Variants in ALDH1A2 observed in about 807,000 individuals in gnomAD.
ALDH1A2 encodes retinal dehydrogenase 2.
ALDH1A2 carries 27 observed loss-of-function variants against 60.3 expected under a neutral mutation model. The observed-to-expected ratio is 0.45, with a 90% CI of 0.33 to 0.62. The LOEUF (loss-of-function observed/expected upper bound fraction) is 0.62. Ranked by LOEUF, ALDH1A2 falls within the 20% of genes least tolerant of loss-of-function variation. ALDH1A2 has a pLI of 0.02. For missense variants in ALDH1A2, 581 were observed against 643.8 expected (o/e 0.90, Z 1.06); for synonymous variants, 289 against 232.4 (o/e 1.24, Z -2.21).
Position 57,963,876 on chromosome 15 carries a change from T to C in ALDH1A2, c.1086+9A>G, listed in dbSNP as rs1183069410. 6.2e-7 allele frequency: 1 copy of C among 1,614,104 alleles called. No homozygotes were observed. The highest frequency in any genetic ancestry group is 2.2e-5 in the East Asian group (1 of 44,872). Reference sequence around the variant, plus strand: ...AAGTAAACAAAGGGAATGGTTATGATTTTTCTACCTGGGGACCCTGCTCAG... The same window carrying C: ...AAGTAAACAAAGGGAATGGTTATGACTTTTCTACCTGGGGACCCTGCTCAG... On this transcript the variant is annotated intron_variant, in intron 9 of 12. Transcript: ENST00000249750.
At chr15:58,051,370 T>C (rs1333084288) in intron 1 of ALDH1A2, among the ~76,000 whole-genome samples, 4 of 152,104 alleles carry the variant, frequency 2.6e-5, no homozygotes, top group Non-Finnish European at 1.5e-5. Flanking sequence ...TTTATTTATT[T>C]ATTTTTTTAG....
chr15:57,971,345 G>C (rs1894060296), intron 7 of ALDH1A2, among the ~76,000 whole-genome samples: 1 of 152,104 alleles, frequency 6.6e-6, no homozygotes, highest in Non-Finnish European at 1.5e-5. Context: ...TGATCTCACA[G>C]TGCTATGTAC....
intron 3 of ALDH1A2, among the ~76,000 whole-genome samples, chr15:58,012,657 T>C (rs555573456): frequency 6.6e-6 from 1 of 152,338 alleles, no homozygotes; most frequent in African/African-American, 2.4e-5. Context: ...AAAATATTTT[T>C]ATATACACAT....
At chr15:57,995,568 G>A in intron 4 of ALDH1A2, among the ~76,000 whole-genome samples, 1 of 151,988 alleles carries the variant, frequency 6.6e-6, no homozygotes, top group East Asian at 1.9e-4. Context: ...AATGCTATTG[G>A]GCAAATTTAA....
chr15:58,015,270 A>G (rs1327811593), intron 1 of ALDH1A2, among the ~76,000 whole-genome samples: 1 of 152,192 alleles, frequency 6.6e-6, no homozygotes, highest in Non-Finnish European at 1.5e-5. Context: ...ATCAGAGATG[A>G]GGCTTAATAA....
rs1238600531 is a variant in ALDH1A2 at position 58,047,414 on chromosome 15, A to G, written c.117+18120T>C. ...TTATATGAAAAAGTTTAGTTAAACA[A>G]TATAAGGAAGTAGTTTGAGGACTTA... On this transcript the variant is annotated intron_variant, in intron 1 of 12. Transcript: ENST00000249750. 2.6e-5 allele frequency among the ~76,000 whole-genome samples: 4 copies of G among 151,956 alleles called. No individual in the cohort carries two copies. In the South Asian group the frequency reaches 6.2e-4, roughly 24 times the overall value.
chr15:57,976,250 A>C (rs1179963620), intron 7 of ALDH1A2, among the ~76,000 whole-genome samples: 1 of 152,212 alleles, frequency 6.6e-6, no homozygotes, highest in Admixed American at 6.5e-5. Context: ...ATCATGAGTG[A>C]GTTCCTTAAT....
chr15:57,963,867 T>A lies in ALDH1A2; in HGVS notation c.1086+18A>T. 1 of 1,613,854 alleles carries A rather than the reference T, an allele frequency of 6.2e-7. No individual in the cohort carries two copies. Among genetic ancestry groups the A allele is most frequent in the South Asian group, 1.1e-5 (1 of 91,072 alleles). On this transcript the variant is annotated intron_variant, in intron 9 of 12. Transcript: ENST00000249750. ...TCAAGGATTAAGTAAACAAAGGGAA[T>A]GGTTATGATTTTTCTACCTGGGGAC...
At chr15:57,959,352 T>C (rs992668297) in intron 12 of ALDH1A2, among the ~76,000 whole-genome samples, 1 of 152,164 alleles carries the variant, frequency 6.6e-6, no homozygotes, top group Non-Finnish European at 1.5e-5. Flanking sequence ...AATGAAGACA[T>C]ACCTGGAGTG....
intron 5 of ALDH1A2, 93 bp downstream of exon 5, chr15:57,994,985 G>A: frequency 2.4e-6 from 3 of 1,248,464 alleles, no homozygotes; most frequent in Non-Finnish European, 3.5e-6. Flanking sequence ...TCCAGTAATG[G>A]AAAACACACA....
At chr15:57,991,089 C>G (rs1377346235) in intron 7 of ALDH1A2, among the ~76,000 whole-genome samples, 1 of 152,116 alleles carries the variant, frequency 6.6e-6, no homozygotes, top group Non-Finnish European at 1.5e-5. Flanking sequence ...TTTATGATTT[C>G]TGGTTTCAAT....
intron 1 of ALDH1A2, among the ~76,000 whole-genome samples, chr15:58,023,690 A>G (rs1485731474): frequency 6.6e-6 from 1 of 150,642 alleles, no homozygotes; most frequent in African/African-American, 2.5e-5. Flanking sequence ...AACCCAGAAT[A>G]TTATCTCTAG....
At chr15:57,965,683 G>A (rs1893871464) in intron 8 of ALDH1A2, 42 bp downstream of exon 8, 2 of 1,363,450 alleles carry the variant, frequency 1.5e-6, no homozygotes, top group Non-Finnish European at 2.1e-6. Flanking sequence ...GAGCACCAAA[G>A]GGTGTGTGGT....
At chr15:58,064,858 T>TA (rs4646550) in intron 1 of ALDH1A2, among the ~76,000 whole-genome samples, 20,982 of 144,678 alleles carry the variant, frequency 0.15, 2,487 homozygotes, top group African/African-American at 0.34. Context: ...ACGTTCGTTA[T>TA]AAAAAAAAAA....
At chr15:58,064,838 C>G (rs570716143) in intron 1 of ALDH1A2, among the ~76,000 whole-genome samples, 2 of 151,316 alleles carry the variant, frequency 1.3e-5, no homozygotes. Context: ...TTAGCAAACC[C>G]AAGATGTCAA....
intron 1 of ALDH1A2, among the ~76,000 whole-genome samples, chr15:58,040,314 A>G (rs941974035): frequency 1.3e-5 from 2 of 151,908 alleles, no homozygotes; most frequent in African/African-American, 4.8e-5. Flanking sequence ...CTGTGCTAAT[A>G]GAACACGTTT....
At chr15:58,002,035 C>A (rs1229988822) in intron 4 of ALDH1A2, among the ~76,000 whole-genome samples, 1 of 151,856 alleles carries the variant, frequency 6.6e-6, no homozygotes, top group Non-Finnish European at 1.5e-5. Flanking sequence ...CGCAGACTAA[C>A]AGATATTGCT....
In ALDH1A2 at chr15:57,982,303, A is replaced by G. The variant is rs1894541890; in HGVS notation, c.798+10402T>C. On this transcript the variant is annotated intron_variant, in intron 7 of 12. Coordinates refer to ENST00000249750, the MANE Select transcript of ALDH1A2 (RefSeq NM_003888.4). ...AATGTGAATGAATCCACTCAAGTAT[A>G]ATAGATGTTTAAGTTGTCTAGTTTT... Among the ~76,000 whole-genome samples the G allele has an allele frequency of 2.6e-5, 4 of 152,348 alleles. No homozygotes were observed. The South Asian group carries it at 8.3e-4, about 32-fold the overall frequency.
At chr15:58,051,591 T>C (rs1381061311) in intron 1 of ALDH1A2, among the ~76,000 whole-genome samples, 1 of 152,128 alleles carries the variant, frequency 6.6e-6, no homozygotes, top group Admixed American at 6.6e-5. Flanking sequence ...CAAGAAAAAC[T>C]AGCCATAACT....
Sources: allele counts gnomAD v4.1 joint callset (sites outside exome capture counted in the v4.1 genomes callset), GRCh38; gene constraint gnomAD v4.1.1; transcripts MANE v1.5; gene names NCBI Gene and HGNC (gene_info 2026-07-23, HGNC 2026-07-21).